Variants in TAFA5 observed in about 807,000 individuals in gnomAD.
TAFA5 encodes the protein TAFA chemokine like family member 5.
In TAFA5, 6 loss-of-function variants were observed where a neutral mutation model predicts 15.3. That is an observed-to-expected ratio of 0.39 (90% confidence interval 0.21 to 0.77). TAFA5 has a LOEUF of 0.77. Among genes scored for constraint, TAFA5 ranks in the 30% least tolerant of loss-of-function variants. TAFA5 has a pLI of 0.41. For synonymous variants in TAFA5, 103 were observed against 80.7 expected, an observed-to-expected ratio of 1.28 and a Z score of -1.48; for missense variants, 161 against 193.1, an observed-to-expected ratio of 0.83 and a Z score of 0.98.
At chr22:48,651,219 G>A (rs1053323154) in intron 2 of TAFA5, among the ~76,000 whole-genome samples, 1 of 152,194 alleles carries the variant, frequency 6.6e-6, no homozygotes, top group Admixed American at 6.5e-5. Flanking sequence ...AGCCAGAGGG[G>A]TGAAGGGTGG....
At chr22:48,649,105 A>G (rs1926965384) in intron 2 of TAFA5, among the ~76,000 whole-genome samples, 1 of 152,184 alleles carries the variant, frequency 6.6e-6, no homozygotes, top group Non-Finnish European at 1.5e-5. Context: ...TAGGAAGGGA[A>G]GAAGGGGAAG....
At chr22:48,496,426 C>T (rs903152265) in intron 1 of TAFA5, among the ~76,000 whole-genome samples, 2 of 152,042 alleles carry the variant, frequency 1.3e-5, no homozygotes, top group South Asian at 2.1e-4. Context: ...GTGAGCTGTA[C>T]GGTGAGGCAG....
At chr22:48,720,155 T>G (rs1171879145) in intron 3 of TAFA5, among the ~76,000 whole-genome samples, 1 of 152,126 alleles carries the variant, frequency 6.6e-6, no homozygotes, top group Non-Finnish European at 1.5e-5. Flanking sequence ...CCAGTGGGTG[T>G]GGCGGGGCTG....
At chr22:48,694,765 G>A (rs1485190979) in intron 2 of TAFA5, among the ~76,000 whole-genome samples, 2 of 149,886 alleles carry the variant, frequency 1.3e-5, no homozygotes, top group African/African-American at 2.5e-5. Flanking sequence ...GCTGCCCACC[G>A]CTCAGACCTC....
chr22:48,600,941 C>T (rs1049070641), intron 1 of TAFA5, among the ~76,000 whole-genome samples: 1 of 152,050 alleles, frequency 6.6e-6, no homozygotes, highest in Non-Finnish European at 1.5e-5. Flanking sequence ...ACGTCATTCC[C>T]CCGGCTCCCT....
chr22:48,689,680 C>G (rs1185455365), intron 2 of TAFA5, among the ~76,000 whole-genome samples: 4 of 142,794 alleles, frequency 2.8e-5, no homozygotes, highest in Non-Finnish European at 4.7e-5. Flanking sequence ...GGCCTGTCCC[C>G]CACCCACTCA....
chr22:48,675,102 C>T (rs762433090), intron 2 of TAFA5, among the ~76,000 whole-genome samples: 21 of 152,192 alleles, frequency 1.4e-4, no homozygotes, highest in South Asian at 2.1e-4. Flanking sequence ...TCACCACACA[C>T]GGCTAATTTT....
intron 1 of TAFA5, among the ~76,000 whole-genome samples, chr22:48,521,446 T>A (rs1350040601): frequency 6.6e-6 from 1 of 151,598 alleles, no homozygotes; most frequent in Non-Finnish European, 1.5e-5. Context: ...GCTCCCATTT[T>A]CTCTCCTTTC....
At chr22:48,503,678 G>A (rs911851823) in intron 1 of TAFA5, among the ~76,000 whole-genome samples, 2 of 152,232 alleles carry the variant, frequency 1.3e-5, no homozygotes, top group Non-Finnish European at 2.9e-5. Context: ...TGCATTTGCT[G>A]AAGGTGGTCA....
intron 3 of TAFA5, among the ~76,000 whole-genome samples, chr22:48,736,925 G>A (rs1569099664): frequency 6.6e-6 from 1 of 152,082 alleles, no homozygotes; most frequent in African/African-American, 2.4e-5. Flanking sequence ...GCCCAACCTG[G>A]GAATTGATGC....
At position 48,707,705 on chromosome 22, in the gene TAFA5, T is replaced by C. The variant is rs941192146; in HGVS notation, c.263-12T>C. On this transcript the variant is annotated splice_polypyrimidine_tract_variant and intron_variant, in intron 2 of 3. Transcript: ENST00000402357. The stretch of plus-strand genomic sequence containing the variant: ...AGTAGCACGCTGATTGCCTCTCTCT[T>C]TTCTCCCACAGCAAGAATCATCAAG... The C allele has an allele frequency of 1.9e-6, 3 of 1,613,478 alleles. No individual in the cohort carries two copies. In the African/African-American group the frequency reaches 4.0e-5, roughly 22 times the overall value.
chr22:48,717,309 C>T (rs1407225441), intron 3 of TAFA5, among the ~76,000 whole-genome samples: 3 of 152,198 alleles, frequency 2.0e-5, no homozygotes, highest in Admixed American at 2.0e-4. Context: ...CTGGAACGGG[C>T]CGTCAAGGGT....
chr22:48,544,164 T>G, intron 1 of TAFA5: 1 of 163,768 alleles, frequency 6.1e-6, no homozygotes, highest in Admixed American at 5.7e-5. Flanking sequence ...CACCCTGGGG[T>G]GGGGTCTTCC....
rs913697220 is a variant in TAFA5, at chr22:48,693,221, G to A, written c.263-14496G>A. 6.2e-6 allele frequency: 9 copies of A among 1,448,182 alleles called. No individual in the cohort carries two copies. The Admixed American group carries it at 1.4e-4, about 23-fold the overall frequency. The allele number at this position is 1,448,182 out of a possible 1,614,324, so 89.7% of individuals were successfully genotyped here. A position where few individuals can be genotyped will look rare whatever the true frequency, so the allele number is the denominator to read the frequency against. Reference sequence around the variant, plus strand: ...AGTGACGGGGCCTCACTCGTCCTCAGAGCAGCCTGGCAGGATGAGTCCAGA... The same window carrying A: ...AGTGACGGGGCCTCACTCGTCCTCAAAGCAGCCTGGCAGGATGAGTCCAGA... On this transcript the variant is annotated intron_variant, in intron 2 of 3. Coordinates refer to ENST00000402357, the MANE Select transcript of TAFA5 (RefSeq NM_001082967.3).
intron 1 of TAFA5, among the ~76,000 whole-genome samples, chr22:48,537,509 C>T (rs2147116655): frequency 6.6e-6 from 1 of 152,380 alleles, no homozygotes; most frequent in East Asian, 1.9e-4. Flanking sequence ...ACTGACTCAG[C>T]ATGCGGCCCT....
rs1424472028 is a variant in TAFA5 at position 48,524,002 on chromosome 22, C to A, written c.112+34298C>A. 3.3e-5 allele frequency among the ~76,000 whole-genome samples: 5 copies of A among 152,220 alleles called. No individual in the cohort carries two copies. In the South Asian group the frequency reaches 1.0e-3, roughly 31 times the overall value. ...CACGTGGTCCCAACCTGCCCCGGGGCCGGGCTGGCCTGTGATGCCTGTCAG... is the reference window on the plus strand; with the variant it reads ...CACGTGGTCCCAACCTGCCCCGGGGACGGGCTGGCCTGTGATGCCTGTCAG... On this transcript the variant is annotated intron_variant, in intron 1 of 3. Transcript: ENST00000402357.
intron 3 of TAFA5, among the ~76,000 whole-genome samples, chr22:48,739,031 C>G (rs1281708793): frequency 6.6e-6 from 1 of 152,166 alleles, no homozygotes; most frequent in Non-Finnish European, 1.5e-5. Context: ...GCTTTGCTCC[C>G]TTCTCCAAAA....
At position 48,584,095 on chromosome 22, in the gene TAFA5, TCACACACACACAC is replaced by T. The variant is rs1244847761; in HGVS notation, c.113-62486_113-62474del. Among the ~76,000 whole-genome samples, 10 of 113,598 alleles carry T rather than the reference TCACACACACACAC, an allele frequency of 8.8e-5. No homozygotes were observed. The East Asian group carries it at 2.5e-3, about 28-fold the overall frequency. 74.5% of individuals were successfully genotyped at this position (113,598 alleles called of 152,430 possible). ...CACCACACACCACTCACAAAATATA[TCACACACACACAC>T]CACACACACACACCAATCACATGCA... On this transcript the variant is annotated intron_variant, in intron 1 of 3. Coordinates refer to ENST00000402357, the MANE Select transcript of TAFA5 (RefSeq NM_001082967.3).
At chr22:48,747,671 C>T (rs1056399076) in intron 3 of TAFA5, among the ~76,000 whole-genome samples, 7 of 151,994 alleles carry the variant, frequency 4.6e-5, no homozygotes, top group African/African-American at 1.2e-4. Context: ...CCAAGGTGAG[C>T]GGATCACCTG....
Sources: gnomAD v4.1 joint callset for allele counts (sites outside exome capture counted in the v4.1 genomes callset) on GRCh38, gnomAD v4.1.1 for gene constraint, MANE v1.5 for transcripts, NCBI Gene and HGNC (gene_info 2026-07-23, HGNC 2026-07-21) for gene names.